DLGAP1: variants seen among roughly 807,000 people sequenced by gnomAD.
DLGAP1 encodes the protein disks large-associated protein 1.
Under a neutral mutation model 90.8 loss-of-function variants are expected in DLGAP1, and 11 were observed. That is an observed-to-expected ratio of 0.12 (90% CI 0.08 to 0.20). The LOEUF (loss-of-function observed/expected upper bound fraction) is 0.20, where lower values mean the gene tolerates loss of function less well. DLGAP1 is among the 10% of genes least tolerant of loss of function. The pLI is 1.00. For missense variants in DLGAP1, 1,050 were observed against 1,333.8 expected, an observed-to-expected ratio of 0.79 and a Z score of 3.31; for synonymous variants, 558 against 540.7, an observed-to-expected ratio of 1.03 and a Z score of -0.44.
intron 1 of DLGAP1, among the ~76,000 whole-genome samples, chr18:4,381,977 A>G (rs754261654): frequency 2.6e-5 from 4 of 152,108 alleles, no homozygotes; most frequent in African/African-American, 7.2e-5. Context: ...GAAAGGAGAA[A>G]CTTCTTATAA....
chr18:3,969,045 T>C (rs1402500701), intron 3 of DLGAP1, among the ~76,000 whole-genome samples: 1 of 151,772 alleles, frequency 6.6e-6, no homozygotes, highest in Non-Finnish European at 1.5e-5. Flanking sequence ...TGAACAGCAC[T>C]GGGGACATAG....
At chr18:3,896,424 A>G (rs1265044028) in intron 3 of DLGAP1, 2 of 152,244 alleles carry the variant, frequency 1.3e-5, no homozygotes, top group Non-Finnish European at 2.9e-5. Context: ...GAATATACAA[A>G]AAGGATAATA....
At chr18:3,943,623 T>C (rs1236283774) in intron 3 of DLGAP1, among the ~76,000 whole-genome samples, 1 of 152,094 alleles carries the variant, frequency 6.6e-6, no homozygotes, top group Non-Finnish European at 1.5e-5. Flanking sequence ...AAAACTGGCA[T>C]GAAAAAGAAA....
intron 5 of DLGAP1, 123 bp from the exon 6 acceptor site, chr18:3,742,635 T>G: frequency 8.7e-7 from 1 of 1,152,752 alleles, no homozygotes; most frequent in African/African-American, 1.5e-5. Flanking sequence ...TAGATGCCCT[T>G]CTGTGATTAC....
chr18:3,567,462 A>C, intron 9 of DLGAP1, 28 bp downstream of exon 9: 1 of 1,579,234 alleles, frequency 6.3e-7, no homozygotes, highest in South Asian at 1.1e-5. Context: ...ACATCAAGAC[A>C]AAAGAGGATG....
chr18:4,391,794 C>A (rs911919727), intron 1 of DLGAP1, among the ~76,000 whole-genome samples: 1 of 152,094 alleles, frequency 6.6e-6, no homozygotes, highest in Non-Finnish European at 1.5e-5. Flanking sequence ...CTCATGGGAG[C>A]CTAAGGAGTT....
chr18:3,999,616 AC>A (rs1297087682), intron 3 of DLGAP1, among the ~76,000 whole-genome samples: 1 of 152,176 alleles, frequency 6.6e-6, no homozygotes, highest in Admixed American at 6.5e-5. Flanking sequence ...AAAAACAACA[AC>A]AACAACAAAA....
chr18:4,363,187 A>C (rs890439400), intron 1 of DLGAP1, among the ~76,000 whole-genome samples: 1 of 152,186 alleles, frequency 6.6e-6, no homozygotes, highest in Non-Finnish European at 1.5e-5. Flanking sequence ...GTAAGCCTGG[A>C]AATATGCACA....
chr18:4,408,248 C>T (rs16946697), intron 1 of DLGAP1, among the ~76,000 whole-genome samples: 16,329 of 152,076 alleles, frequency 0.11, 1,303 homozygotes, highest in African/African-American at 0.22. Flanking sequence ...GTAGTGGTTA[C>T]AATGCTGTGC....
At chr18:3,573,631 G>T (rs184534132) in intron 8 of DLGAP1, among the ~76,000 whole-genome samples, 2 of 150,104 alleles carry the variant, frequency 1.3e-5, no homozygotes, top group Non-Finnish European at 3.0e-5. Flanking sequence ...ATTTGTGAAA[G>T]GTTTTTTTTT....
At chr18:3,579,623 A>C (rs531541390) in intron 8 of DLGAP1, among the ~76,000 whole-genome samples, 47 of 152,232 alleles carry the variant, frequency 3.1e-4, no homozygotes, top group Admixed American at 6.5e-4. Flanking sequence ...AGCACAACAA[A>C]AATGGAGAGA....
At chr18:3,800,317 T>C (rs78264315) in intron 5 of DLGAP1, among the ~76,000 whole-genome samples, 10,352 of 152,322 alleles carry the variant, frequency 0.068, 499 homozygotes, top group Middle Eastern at 0.12. Context: ...CATGCTGATA[T>C]GTTATGAATA....
chr18:3,956,150 A>G (rs1427770255), intron 3 of DLGAP1, among the ~76,000 whole-genome samples: 1 of 152,228 alleles, frequency 6.6e-6, no homozygotes, highest in East Asian at 1.9e-4. Context: ...GGCAGCGATA[A>G]AGATAAAAAT....
intron 7 of DLGAP1, among the ~76,000 whole-genome samples, chr18:3,593,500 T>C (rs2056397310): frequency 6.6e-6 from 1 of 152,202 alleles, no homozygotes; most frequent in African/African-American, 2.4e-5. Flanking sequence ...TCCCACAGTC[T>C]TCTCTCCCAG....
chr18:4,325,535 A>C lies in DLGAP1; in HGVS notation c.-267+129471T>G, dbSNP rs367982765. On this transcript the variant is annotated intron_variant, in intron 1 of 12. Transcript: ENST00000315677. Reference sequence around the variant, plus strand: ...TTTAAAAATTCATATGAAACAAACAAACAAAAAGCCCAAATAGCCAAGGCA... The same window carrying C: ...TTTAAAAATTCATATGAAACAAACACACAAAAAGCCCAAATAGCCAAGGCA... Among the ~76,000 whole-genome samples the C allele has an allele frequency of 4.4e-4, 67 of 152,254 alleles. 1 individual carries two copies. Among genetic ancestry groups the C allele is most frequent in the South Asian group, 3.7e-3 (18 of 4,826 alleles).
chr18:3,880,305 T>A lies in DLGAP1; in HGVS notation c.-72-165A>T, dbSNP rs534956390. 8.5e-5 allele frequency among the ~76,000 whole-genome samples: 13 copies of A among 152,184 alleles called. No individual in the cohort carries two copies. The South Asian group carries it at 1.9e-3, about 22-fold the overall frequency. On this transcript the variant is annotated intron_variant, in intron 3 of 12. Coordinates refer to ENST00000315677, the MANE Select transcript of DLGAP1 (RefSeq NM_004746.4). ...CTCAAGCCATCCTTCCACACCAGCC[T>A]CCCGAGTAGCTAGGACTACAGGCAG... is the stretch of plus-strand genomic sequence containing the variant.
intron 5 of DLGAP1, among the ~76,000 whole-genome samples, chr18:3,785,040 G>T (rs2065380942): frequency 1.3e-5 from 2 of 152,148 alleles, no homozygotes; most frequent in African/African-American, 4.8e-5. Context: ...GAAAAATAAT[G>T]ACTGCTTCCC....
At chr18:4,109,624 G>A (rs1404053995) in intron 2 of DLGAP1, among the ~76,000 whole-genome samples, 9 of 152,006 alleles carry the variant, frequency 5.9e-5, no homozygotes, top group Admixed American at 5.9e-4. Context: ...ACCAGTGGGG[G>A]CTTTCCTGAG....
chr18:4,106,638 C>T (rs2075873575), intron 2 of DLGAP1, among the ~76,000 whole-genome samples: 1 of 152,226 alleles, frequency 6.6e-6, no homozygotes, highest in Non-Finnish European at 1.5e-5. Context: ...AACAGAACTT[C>T]ACAAAGCAAG....
Sources: allele counts gnomAD v4.1 joint callset (sites outside exome capture counted in the v4.1 genomes callset), GRCh38; gene constraint gnomAD v4.1.1; transcripts MANE v1.5; gene names NCBI Gene and HGNC (gene_info 2026-07-23, HGNC 2026-07-21).